Variants in SPTBN1 observed in about 807,000 individuals in gnomAD.
SPTBN1 encodes the protein spectrin beta chain, non-erythrocytic 1.
In SPTBN1, 32 loss-of-function variants were observed where a neutral mutation model predicts 266.4. The observed-to-expected ratio is 0.12, with a 90% CI of 0.09 to 0.16. The LOEUF (loss-of-function observed/expected upper bound fraction) is 0.16, where lower values mean the gene tolerates loss of function less well. Among genes scored for constraint, SPTBN1 ranks in the 10% least tolerant of loss-of-function variants. The pLI, the probability that SPTBN1 is intolerant of heterozygous loss-of-function variation, is 1.00. For synonymous variants in SPTBN1, 1,336 were observed against 1,162.2 expected (o/e 1.15, Z -3.04); for missense variants, 2,296 against 3,067.1 (o/e 0.75, Z 5.94).
intron 1 of SPTBN1, among the ~76,000 whole-genome samples, chr2:54,485,152 C>T (rs997855306): frequency 4.0e-5 from 6 of 149,190 alleles, no homozygotes; most frequent in Non-Finnish European, 7.5e-5. Context: ...TCGCCTCTCC[C>T]TCTCCCTCTC....
At chr2:54,502,051 C>G (rs1370325849) in intron 1 of SPTBN1, among the ~76,000 whole-genome samples, 1 of 152,206 alleles carries the variant, frequency 6.6e-6, no homozygotes, top group Non-Finnish European at 1.5e-5. Context: ...TCTCCAAATG[C>G]TAAACTCTGA....
intron 17 of SPTBN1, among the ~76,000 whole-genome samples, chr2:54,635,131 C>CTTAT (rs1396365696): frequency 6.6e-6 from 1 of 152,116 alleles, no homozygotes; most frequent in East Asian, 1.9e-4. Context: ...TTTTTTGAGT[C>CTTAT]TTATTACAGG....
chr2:54,513,912 C>G (rs1269580796), intron 1 of SPTBN1, among the ~76,000 whole-genome samples: 1 of 152,164 alleles, frequency 6.6e-6, no homozygotes, highest in Non-Finnish European at 1.5e-5. Context: ...ACTTTTCTCT[C>G]TAGATCTATC....
intron 1 of SPTBN1, among the ~76,000 whole-genome samples, chr2:54,501,904 C>T (rs1248568668): frequency 1.3e-5 from 2 of 152,126 alleles, no homozygotes; most frequent in East Asian, 1.9e-4. Flanking sequence ...AGCTCGATCA[C>T]GTTTTGGTAA....
intron 17 of SPTBN1, among the ~76,000 whole-genome samples, chr2:54,633,466 C>G (rs539432482): frequency 2.0e-5 from 3 of 151,374 alleles, no homozygotes; most frequent in Non-Finnish European, 4.4e-5. Flanking sequence ...ATTTCCTCCC[C>G]GGCTGGAGGC....
chr2:54,583,015 G>A (rs1675047611), intron 2 of SPTBN1, among the ~76,000 whole-genome samples: 1 of 152,118 alleles, frequency 6.6e-6, no homozygotes, highest in Admixed American at 6.6e-5. Context: ...TGACTATAGG[G>A]GTGGACATGG....
At chr2:54,459,618 A>G (rs1053452516) in intron 1 of SPTBN1, among the ~76,000 whole-genome samples, 2 of 152,166 alleles carry the variant, frequency 1.3e-5, no homozygotes, top group Non-Finnish European at 2.9e-5. Flanking sequence ...TTTTACGTGC[A>G]ATGACATGAT....
intron 2 of SPTBN1, among the ~76,000 whole-genome samples, chr2:54,547,080 T>C (rs764653262): frequency 1.6e-4 from 24 of 152,148 alleles, no homozygotes; most frequent in South Asian, 4.1e-4. Context: ...CCTTTTCATT[T>C]TGAAAAACTG....
intron 2 of SPTBN1, among the ~76,000 whole-genome samples, chr2:54,570,738 G>A (rs1235563855): frequency 6.6e-6 from 1 of 152,178 alleles, no homozygotes; most frequent in Non-Finnish European, 1.5e-5. Context: ...GTTGGAATGT[G>A]ACCTTAACAT....
intron 2 of SPTBN1, among the ~76,000 whole-genome samples, chr2:54,547,763 T>A (rs777145309): frequency 1.3e-3 from 201 of 151,752 alleles, no homozygotes; most frequent in South Asian, 1.5e-3. Context: ...AAGAGGTGAG[T>A]GGAGAGGTAG....
At chr2:54,668,268 A>T in intron 35 of SPTBN1, 83 bp from the exon 36 acceptor site, 1 of 1,373,932 alleles carries the variant, frequency 7.3e-7, no homozygotes, top group Non-Finnish European at 1.0e-6. Context: ...AGTTGGCCAG[A>T]TGCGCCATTC....
intron 2 of SPTBN1, among the ~76,000 whole-genome samples, chr2:54,597,901 T>C (rs886648428): frequency 8.3e-6 from 1 of 120,542 alleles, no homozygotes. Context: ...TAGATTCGTG[T>C]GTAATTATTT....
At chr2:54,602,009 A>G (rs1676529959) in intron 3 of SPTBN1, among the ~76,000 whole-genome samples, 1 of 152,328 alleles carries the variant, frequency 6.6e-6, no homozygotes, top group Non-Finnish European at 1.5e-5. Flanking sequence ...TGGCCTGGTT[A>G]TGATCTGTGT....
At chr2:54,657,278 C>A (rs755799245) in intron 29 of SPTBN1, among the ~76,000 whole-genome samples, 61 of 152,352 alleles carry the variant, frequency 4.0e-4, no homozygotes, top group Admixed American at 3.3e-3. Flanking sequence ...ATAAAACACA[C>A]AACTACCGCC....
At chr2:54,513,013 G>A (rs1224955919) in intron 1 of SPTBN1, among the ~76,000 whole-genome samples, 3 of 152,154 alleles carry the variant, frequency 2.0e-5, no homozygotes, top group African/African-American at 7.2e-5. Context: ...GCAGCATGGC[G>A]AAACCCTGGC....
intron 1 of SPTBN1, among the ~76,000 whole-genome samples, chr2:54,478,504 C>A (rs1008015099): frequency 6.6e-6 from 1 of 152,004 alleles, no homozygotes; most frequent in South Asian, 2.1e-4. Flanking sequence ...GGGTCTGGGC[C>A]GAACCCTGTA....
chr2:54,572,424 C>T (rs946772429), intron 2 of SPTBN1, among the ~76,000 whole-genome samples: 17 of 152,232 alleles, frequency 1.1e-4, no homozygotes, highest in Admixed American at 3.9e-4. Context: ...TTTCTAACCG[C>T]GAGTGTCTTT....
chr2:54,597,551 A>T (rs934538753), intron 2 of SPTBN1, among the ~76,000 whole-genome samples: 1 of 152,264 alleles, frequency 6.6e-6, no homozygotes, highest in African/African-American at 2.4e-5. Flanking sequence ...GACCTCAAGG[A>T]GCCGCTGACT....
chr2:54,647,282 G>C (rs547380606), intron 24 of SPTBN1, 21 bp downstream of exon 24: 1 of 1,611,720 alleles, frequency 6.2e-7, no homozygotes, highest in Non-Finnish European at 8.5e-7. Flanking sequence ...CTTCATGAGT[G>C]TGAGACCCGG....
Sources: allele counts gnomAD v4.1 joint callset (sites outside exome capture counted in the v4.1 genomes callset), GRCh38; gene constraint gnomAD v4.1.1; transcripts MANE v1.5; gene names NCBI Gene and HGNC (gene_info 2026-07-23, HGNC 2026-07-21).